The following CLPB variants were observed in gnomAD, a reference collection of about 807,000 sequenced individuals.
CLPB encodes the protein ClpB family mitochondrial disaggregase, also known as mitochondrial disaggregase.
Under a neutral mutation model 78.4 loss-of-function variants are expected in CLPB, and 40 were observed. The ratio of observed to expected loss-of-function variants is 0.51; its 90% CI spans 0.40 to 0.66. CLPB has a LOEUF of 0.66. Ranked by LOEUF, CLPB falls within the 30% of genes least tolerant of loss-of-function variation. The probability of loss-of-function intolerance (pLI) is 0.00; values close to 1 mark genes in which losing one functional copy is unlikely to be tolerated. For synonymous variants in CLPB, 333 were observed against 348.0 expected, an observed-to-expected ratio of 0.96 and a Z score of 0.48; for missense variants, 780 against 886.9, an observed-to-expected ratio of 0.88 and a Z score of 1.53.
At chr11:72,300,764 G>A (rs780504579) in intron 11 of CLPB, among the ~76,000 whole-genome samples, 11 of 152,168 alleles carry the variant, frequency 7.2e-5, no homozygotes, top group Non-Finnish European at 1.3e-4. Context: ...AAGGTGAGCT[G>A]GACTCATGGC....
At chr11:72,313,275 G>GT (rs1394406395) in intron 7 of CLPB, among the ~76,000 whole-genome samples, 1 of 152,182 alleles carries the variant, frequency 6.6e-6, no homozygotes, top group Non-Finnish European at 1.5e-5. Context: ...AAGGAACATG[G>GT]TAAGTACTCG....
chr11:72,293,653 T>C, intron 15 of CLPB, 38 bp from the exon 16 acceptor site: 1 of 1,584,496 alleles, frequency 6.3e-7, no homozygotes, highest in East Asian at 2.3e-5. Flanking sequence ...TCCCTCGGCC[T>C]GGACCCAGCT....
Position 72,297,641 on chromosome 11 carries a change from GT to G in CLPB, c.1330-1994del, listed in dbSNP as rs1949576228. ...AGTTCTAGTTTTGGGGACCAGGTGT[GT>G]GTGTGTGTGTGTGTGTGTGTGTGTG... is the stretch of plus-strand genomic sequence containing the variant. On this transcript the variant is annotated intron_variant, in intron 11 of 15. Transcript: ENST00000538039. 8.4e-5 allele frequency among the ~76,000 whole-genome samples: 3 copies of G among 35,926 alleles called. No individual in the cohort carries two copies. In the African/African-American group the frequency reaches 1.0e-3, roughly 12 times the overall value. The allele number at this position is 35,926 out of a possible 152,430, so 23.6% of individuals were successfully genotyped here.
At chr11:72,431,770 C>A (rs1389750783) in intron 1 of CLPB, among the ~76,000 whole-genome samples, 2 of 152,192 alleles carry the variant, frequency 1.3e-5, no homozygotes, top group Non-Finnish European at 2.9e-5. Flanking sequence ...GAACCAGGGC[C>A]TCCTGGCTTC....
chr11:72,388,442 G>A (rs1409342364), intron 3 of CLPB, among the ~76,000 whole-genome samples: 2 of 151,884 alleles, frequency 1.3e-5, no homozygotes, highest in South Asian at 2.1e-4. Context: ...TAGTACAGCC[G>A]GGGTTTCACC....
intron 2 of CLPB, among the ~76,000 whole-genome samples, chr11:72,429,503 C>A (rs1270596538): frequency 6.6e-6 from 1 of 152,224 alleles, no homozygotes; most frequent in Non-Finnish European, 1.5e-5. Context: ...TCCTGTCTAA[C>A]ATGCAGACAT....
chr11:72,433,963 A>C (rs1856625084), intron 1 of CLPB, 109 bp downstream of exon 1: 1 of 1,360,326 alleles, frequency 7.4e-7, no homozygotes, highest in Non-Finnish European at 1.0e-6. Flanking sequence ...TCCCTCCAAG[A>C]CTTAGGCTCT....
chr11:72,347,385 A>T (rs986173307), intron 5 of CLPB, among the ~76,000 whole-genome samples: 1 of 152,170 alleles, frequency 6.6e-6, no homozygotes, highest in Admixed American at 6.5e-5. Flanking sequence ...TGAGCCCAGG[A>T]ATTAGAGATT....
At position 72,434,317 on chromosome 11, in the gene CLPB, C is replaced by G; in HGVS notation, c.158G>C (p.Gly53Ala). The G allele has an allele frequency of 1.9e-6, 3 of 1,612,450 alleles. No homozygotes were observed. The highest frequency in any genetic ancestry group is 2.5e-6 in the Non-Finnish European group (3 of 1,179,778). The change falls in exon 1 of 16, where the codon GGG becomes GCG. Residue 53 changes from glycine to alanine, a missense_variant. Coordinates refer to ENST00000538039, the MANE Select transcript of CLPB (RefSeq NM_001258392.3). ...GGCCGGCGATGTTCCAGGGCGCCCC[C>G]CGGTGGCTACCCTCAGCCACTGCGG... ...GEPQWLRVATGGRPGTSPALF... is the reference protein window; with the variant it reads ...GEPQWLRVATAGRPGTSPALF...
At chr11:72,308,477 G>A (rs1307908321) in intron 8 of CLPB, 50 bp downstream of exon 8, 7 of 1,547,122 alleles carry the variant, frequency 4.5e-6, no homozygotes, top group East Asian at 2.2e-5. Context: ...GACTTGGGCC[G>A]GGCACTACCC....
chr11:72,408,269 C>T (rs1005855543), intron 2 of CLPB: 1 of 1,065,088 alleles, frequency 9.4e-7, no homozygotes, highest in Admixed American at 2.0e-5. Context: ...GATTCTAGCT[C>T]TGTCACTTAC....
At chr11:72,382,930 C>A (rs1854960061) in intron 3 of CLPB, among the ~76,000 whole-genome samples, 1 of 151,456 alleles carries the variant, frequency 6.6e-6, no homozygotes, top group African/African-American at 2.4e-5. Flanking sequence ...GAAAGTTTAG[C>A]AAACATTAAG....
At chr11:72,337,182 T>C (rs1950337377) in intron 5 of CLPB, 2 of 398,712 alleles carry the variant, frequency 5.0e-6, no homozygotes, top group Non-Finnish European at 8.8e-6. Flanking sequence ...ACAGAAGAAC[T>C]GGGAATAGAG....
chr11:72,411,806 C>T (rs558146853), intron 2 of CLPB: 22 of 152,362 alleles, frequency 1.4e-4, no homozygotes, highest in African/African-American at 5.3e-4. Flanking sequence ...AACTGATTTC[C>T]GGATCCTTCA....
chr11:72,324,003 T>C (rs1324069489), intron 6 of CLPB, among the ~76,000 whole-genome samples: 1 of 152,070 alleles, frequency 6.6e-6, no homozygotes. Context: ...AAAGCAAGTA[T>C]GATAAGATGT....
At position 72,294,049 on chromosome 11, in the gene CLPB, G is replaced by C. The variant is rs2135484836; in HGVS notation, c.1758C>G (p.His586Gln). 9 of 1,614,130 alleles carry C rather than the reference G, an allele frequency of 5.6e-6. No individual in the cohort carries two copies. Among genetic ancestry groups the C allele is most frequent in the Non-Finnish European group, 7.6e-6 (9 of 1,180,008 alleles). Residue 586 changes from histidine (H) to glutamine (Q), a missense_variant, in exon 15 of 16, where the codon CAC becomes CAG. His to Gln is a conservative substitution (Grantham distance 24). This residue lies in a region of CLPB where 272 missense variants were observed against 304.0 expected (regional missense o/e 0.89). Transcript: ENST00000538039. The stretch of plus-strand genomic sequence containing the variant: ...CATGTTTGATGGAGCGGGCGCCATA[G>C]TGCACATTGTAGCCGTCGACCAGCA... ...ADVLVDGYNV[H>Q]YGARSIKHEV...
rs777140183 is a variant in CLPB at position 72,293,543 on chromosome 11, G to A, written c.1858C>T (p.Arg620Cys). 2.2e-5 allele frequency: 36 copies of A among 1,613,976 alleles called. No homozygotes were observed. Among genetic ancestry groups the A allele is most frequent in the South Asian group, 9.9e-5 (9 of 91,074 alleles). The change falls in exon 16 of 16, where the codon CGC (arginine) becomes TGC (cysteine). Residue 620 changes from arginine (R) to cysteine (C), a missense_variant. Arg to Cys is a radical substitution (Grantham distance 180). Around this residue, in one of 3 missense-constraint regions of CLPB, gnomAD observed 272 missense variants for 304.0 expected, o/e 0.89. Coordinates refer to ENST00000538039, the MANE Select transcript of CLPB (RefSeq NM_001258392.3). ...QDLLPGGCTL[R>C]ITVEDSDKQL... Reference sequence around the variant, plus strand: ...TTGTCTGAGTCCTCCACCGTGATGCGCAAAGTACAGCCCCCTGGCAGCAGG... The same window carrying A: ...TTGTCTGAGTCCTCCACCGTGATGCACAAAGTACAGCCCCCTGGCAGCAGG...
At chr11:72,373,207 T>A (rs1439121560) in intron 4 of CLPB, among the ~76,000 whole-genome samples, 2 of 152,220 alleles carry the variant, frequency 1.3e-5, no homozygotes, top group Non-Finnish European at 2.9e-5. Flanking sequence ...AGAGGCTGAT[T>A]TATAGCCTGC....
intron 4 of CLPB, among the ~76,000 whole-genome samples, chr11:72,365,905 A>T (rs563743227): frequency 6.6e-6 from 1 of 152,184 alleles, no homozygotes; most frequent in Non-Finnish European, 1.5e-5. Flanking sequence ...ACAAAAATCA[A>T]CTCAAGATGG....
Sources: allele counts gnomAD v4.1 joint callset (sites outside exome capture counted in the v4.1 genomes callset), GRCh38; gene constraint gnomAD v4.1.1; regional missense constraint gnomAD v4.1.1; transcripts MANE v1.5; gene names NCBI Gene and HGNC (gene_info 2026-07-23, HGNC 2026-07-21).